Variants in CNTNAP2 observed in about 807,000 individuals in gnomAD.
CNTNAP2 encodes the protein contactin associated protein 2.
Under a neutral mutation model 155.2 loss-of-function variants are expected in CNTNAP2, and 98 were observed. The ratio of observed to expected loss-of-function variants is 0.63; its 90% CI spans 0.54 to 0.75. The LOEUF (loss-of-function observed/expected upper bound fraction) is 0.75. Among genes scored for constraint, CNTNAP2 ranks in the 30% least tolerant of loss-of-function variants. CNTNAP2 has a pLI of 0.00. For synonymous variants in CNTNAP2, 651 were observed against 631.2 expected (o/e 1.03, Z -0.47); for missense variants, 1,727 against 1,688.1 (o/e 1.02, Z -0.40).
At chr7:147,611,794 G>A (rs564907674) in intron 12 of CNTNAP2, among the ~76,000 whole-genome samples, 1 of 152,176 alleles carries the variant, frequency 6.6e-6, no homozygotes, top group Non-Finnish European at 1.5e-5. Flanking sequence ...TACCTGAACT[G>A]CATACATAGC....
intron 13 of CNTNAP2, among the ~76,000 whole-genome samples, chr7:147,660,232 A>G (rs1795589212): frequency 1.3e-5 from 2 of 152,212 alleles, no homozygotes; most frequent in Admixed American, 1.3e-4. Context: ...TGACTTTTTC[A>G]ATGTATTCCT....
intron 12 of CNTNAP2, among the ~76,000 whole-genome samples, chr7:147,584,234 T>C (rs1800574786): frequency 6.6e-6 from 1 of 152,240 alleles, no homozygotes; most frequent in Non-Finnish European, 1.5e-5. Flanking sequence ...CTTCATTTTC[T>C]CTTTCTTAGG....
intron 15 of CNTNAP2, chr7:148,014,133 C>T (rs10253458): frequency 0.35 from 52,392 of 151,768 alleles, 9,824 homozygotes; most frequent in East Asian, 0.74. Flanking sequence ...TATGGGAAAC[C>T]GAGCTCTGAA....
chr7:146,337,484 C>T (rs563829525), intron 1 of CNTNAP2, among the ~76,000 whole-genome samples: 1 of 152,144 alleles, frequency 6.6e-6, no homozygotes, highest in East Asian at 1.9e-4. Context: ...TTAGAGACAG[C>T]GTCTAGCTCT....
chr7:147,928,769 A>C (rs1800443607), intron 14 of CNTNAP2, among the ~76,000 whole-genome samples: 1 of 152,148 alleles, frequency 6.6e-6, no homozygotes, highest in Non-Finnish European at 1.5e-5. Flanking sequence ...TGTGTCTTCT[A>C]TAAAATGTTC....
intron 4 of CNTNAP2, among the ~76,000 whole-genome samples, chr7:147,083,385 A>G (rs1800180445): frequency 6.6e-6 from 1 of 151,882 alleles, no homozygotes; most frequent in Non-Finnish European, 1.5e-5. Context: ...GCTTCTAGTG[A>G]TTTGGAGAAG....
At chr7:147,743,625 AT>A in intron 13 of CNTNAP2, among the ~76,000 whole-genome samples, 1 of 151,974 alleles carries the variant, frequency 6.6e-6, no homozygotes, top group South Asian at 2.1e-4. Flanking sequence ...GGTTGCCTTG[AT>A]TTAGGATTTC....
At chr7:146,366,533 A>T (rs1415031467) in intron 1 of CNTNAP2, among the ~76,000 whole-genome samples, 4 of 152,182 alleles carry the variant, frequency 2.6e-5, no homozygotes, top group African/African-American at 9.7e-5. Context: ...CAAAAAAAAA[A>T]TCCTGCACAA....
chr7:146,940,017 C>T (rs932411025), intron 3 of CNTNAP2, among the ~76,000 whole-genome samples: 2 of 152,032 alleles, frequency 1.3e-5, no homozygotes, highest in African/African-American at 4.8e-5. Context: ...GTGTGGTTTA[C>T]ACTACAGAAA....
intron 1 of CNTNAP2, among the ~76,000 whole-genome samples, chr7:146,743,696 A>G (rs1017718992): frequency 2.0e-5 from 3 of 152,144 alleles, no homozygotes; most frequent in Non-Finnish European, 2.9e-5. Context: ...CTCAATTAGT[A>G]GCACCAAGAA....
At chr7:148,077,450 T>G (rs1803510267) in intron 15 of CNTNAP2, among the ~76,000 whole-genome samples, 1 of 152,190 alleles carries the variant, frequency 6.6e-6, no homozygotes, top group African/African-American at 2.4e-5. Flanking sequence ...CTGGGCCTCT[T>G]TTTGTCTTTC....
chr7:147,581,009 A>G (rs2116826534), intron 12 of CNTNAP2, among the ~76,000 whole-genome samples: 1 of 152,284 alleles, frequency 6.6e-6, no homozygotes, highest in East Asian at 1.9e-4. Context: ...AATTTCTCCA[A>G]CGCTGTGTTC....
chr7:147,011,508 A>G (rs543669164), intron 3 of CNTNAP2, among the ~76,000 whole-genome samples: 1 of 151,940 alleles, frequency 6.6e-6, no homozygotes, highest in African/African-American at 2.4e-5. Flanking sequence ...AGGCATAAAA[A>G]CTAAATGTGA....
rs917014925 is a variant in CNTNAP2, at chr7:147,189,894, G to A, written c.1348+57385G>A. Among the ~76,000 whole-genome samples the A allele has an allele frequency of 5.3e-5, 8 of 152,000 alleles. No homozygotes were observed. The South Asian group carries it at 1.0e-3, about 20-fold the overall frequency. ...CGAGTAGCTGGGACTACAGGTGCCC[G>A]CCACCACGCCCGGCTAATTTTTTGT... On this transcript the variant is annotated intron_variant, in intron 8 of 23. Coordinates refer to ENST00000361727, the MANE Select transcript of CNTNAP2 (RefSeq NM_014141.6).
chr7:146,914,516 T>C (rs1003355468), intron 3 of CNTNAP2, among the ~76,000 whole-genome samples: 7 of 152,100 alleles, frequency 4.6e-5, no homozygotes, highest in African/African-American at 1.7e-4. Context: ...GGGTATCACA[T>C]TGTGGTTTTG....
intron 16 of CNTNAP2, among the ~76,000 whole-genome samples, chr7:148,139,163 A>G (rs1805013342): frequency 6.6e-6 from 1 of 152,238 alleles, no homozygotes. Flanking sequence ...CGTAACATTG[A>G]TTCCTAAGCT....
chr7:148,406,030 A>G (rs1488694721), intron 22 of CNTNAP2, among the ~76,000 whole-genome samples: 1 of 152,030 alleles, frequency 6.6e-6, no homozygotes, highest in Non-Finnish European at 1.5e-5. Flanking sequence ...CAGGAGATCG[A>G]GACCATCTTG....
chr7:147,066,620 C>T (rs1214613924), intron 4 of CNTNAP2, among the ~76,000 whole-genome samples: 6 of 152,122 alleles, frequency 3.9e-5, no homozygotes, highest in South Asian at 2.1e-4. Flanking sequence ...CAGACTCTAA[C>T]GAGTTTTTCT....
intron 13 of CNTNAP2, among the ~76,000 whole-genome samples, chr7:147,691,923 G>A (rs879255897): frequency 5.3e-5 from 8 of 152,062 alleles, no homozygotes; most frequent in Admixed American, 6.6e-5. Context: ...TTGTACATGC[G>A]TGGGTTTTGA....
Sources: gnomAD v4.1 joint callset for allele counts (sites outside exome capture counted in the v4.1 genomes callset) on GRCh38, gnomAD v4.1.1 for gene constraint, MANE v1.5 for transcripts, NCBI Gene and HGNC (gene_info 2026-07-23, HGNC 2026-07-21) for gene names.